The following DOCK5 variants were observed in gnomAD, a reference collection of about 807,000 sequenced individuals.
The protein encoded by DOCK5 is dedicator of cytokinesis 5.
A neutral mutation model predicts 251.8 loss-of-function variants in DOCK5; 142 were observed. That is an observed-to-expected ratio of 0.56 (90% CI 0.49 to 0.65). The LOEUF is 0.65. DOCK5 is among the 30% of genes least tolerant of loss of function. The pLI is 0.00. For synonymous variants in DOCK5, 842 were observed against 835.5 expected, an observed-to-expected ratio of 1.01 and a Z score of -0.13; for missense variants, 2,111 against 2,312.3, an observed-to-expected ratio of 0.91 and a Z score of 1.79.
intron 34 of DOCK5, among the ~76,000 whole-genome samples, chr8:25,372,060 A>C (rs1014548068): frequency 1.3e-5 from 2 of 152,234 alleles, no homozygotes; most frequent in African/African-American, 4.8e-5. Context: ...GAGATGTACT[A>C]GGTTCCCAGG....
chr8:25,298,701 G>A (rs1016540030), intron 7 of DOCK5, among the ~76,000 whole-genome samples: 1 of 151,846 alleles, frequency 6.6e-6, no homozygotes, highest in Non-Finnish European at 1.5e-5. Context: ...TCTGTTCCCA[G>A]GTAGCTGGGA....
intron 3 of DOCK5, among the ~76,000 whole-genome samples, chr8:25,269,593 T>C (rs1468051367): frequency 6.6e-6 from 1 of 152,254 alleles, no homozygotes; most frequent in Non-Finnish European, 1.5e-5. Flanking sequence ...TGGTTCCTTT[T>C]GCCAGTGCCA....
At chr8:25,345,307 GT>G (rs1800340721) in intron 25 of DOCK5, 167 bp from the exon 26 acceptor site, 1 of 672,706 alleles carries the variant, frequency 1.5e-6, no homozygotes, top group Non-Finnish European at 2.3e-6. Flanking sequence ...GTAAAGTTCC[GT>G]GCCTAAAACC....
chr8:25,237,863 C>T, intron 1 of DOCK5, among the ~76,000 whole-genome samples: 1 of 152,166 alleles, frequency 6.6e-6, no homozygotes, highest in East Asian at 1.9e-4. Flanking sequence ...AAAGGCAATC[C>T]TGTTTTACAG....
At chr8:25,400,627 T>A (rs963929277) in intron 46 of DOCK5, among the ~76,000 whole-genome samples, 3 of 152,022 alleles carry the variant, frequency 2.0e-5, no homozygotes, top group African/African-American at 7.2e-5. Context: ...CCAAATTCAG[T>A]CTAAGACTTA....
intron 39 of DOCK5, among the ~76,000 whole-genome samples, chr8:25,381,364 C>A (rs1448076230): frequency 6.6e-6 from 1 of 152,114 alleles, no homozygotes; most frequent in Non-Finnish European, 1.5e-5. Flanking sequence ...GTGGCTCATA[C>A]CTGTAATCTC....
intron 5 of DOCK5, among the ~76,000 whole-genome samples, chr8:25,281,811 G>A (rs775991970): frequency 2.5e-4 from 38 of 150,436 alleles, no homozygotes; most frequent in East Asian, 5.9e-4. Context: ...CCCGAGAGGC[G>A]GAGGTTGCAG....
chr8:25,278,575 T>A lies in DOCK5; in HGVS notation c.231T>A (p.His77Gln). The change falls in exon 5 of 52, where the codon CAT becomes CAA. Residue 77 changes from histidine to glutamine, a missense_variant. Transcript: ENST00000276440. ...CTCGTTTGGTTCTTTGTAGGCAGCATGAAACCGTGATTCCTGGCGAGCTCC... is the reference window on the plus strand; with the variant it reads ...CTCGTTTGGTTCTTTGTAGGCAGCAAGAAACCGTGATTCCTGGCGAGCTCC... ...KEATVEDLGQ[H>Q]ETVIPGELPL... is the part of the protein sequence containing the mutation. 1 of 1,613,956 alleles carries A rather than the reference T, an allele frequency of 6.2e-7. No individual in the cohort carries two copies. Among genetic ancestry groups the A allele is most frequent in the African/African-American group, 1.3e-5 (1 of 75,058 alleles).
chr8:25,310,992 C>T (rs956271118), intron 13 of DOCK5, among the ~76,000 whole-genome samples: 5 of 152,190 alleles, frequency 3.3e-5, no homozygotes, highest in Non-Finnish European at 7.3e-5. Context: ...ATGACATCCC[C>T]AGCATGTGGG....
intron 44 of DOCK5, among the ~76,000 whole-genome samples, chr8:25,393,267 C>A (rs1056717798): frequency 6.6e-6 from 1 of 152,216 alleles, no homozygotes; most frequent in Non-Finnish European, 1.5e-5. Context: ...CTAGACTCCT[C>A]CCTCTTCATC....
intron 37 of DOCK5, chr8:25,374,948 T>C: frequency 8.1e-7 from 1 of 1,230,418 alleles, no homozygotes; most frequent in Non-Finnish European, 1.0e-6. Flanking sequence ...CATAAAAAAA[T>C]TTGTAAAACT....
In DOCK5 at chr8:25,352,143, G is replaced by A. The variant is rs1037563018; in HGVS notation, c.2850+317G>A. Among the ~76,000 whole-genome samples the A allele has an allele frequency of 2.6e-5, 4 of 151,070 alleles. 1 individual carries two copies. The highest frequency in any genetic ancestry group is 5.9e-5 in the Non-Finnish European group (4 of 67,872). Reference sequence around the variant, plus strand: ...TGGGAGGATCACTTAAACGTGAGATGTCGAGGCTGCAGTGAGCTGTGATTG... The same window carrying A: ...TGGGAGGATCACTTAAACGTGAGATATCGAGGCTGCAGTGAGCTGTGATTG... On this transcript the variant is annotated intron_variant, in intron 27 of 51. Coordinates refer to ENST00000276440, the MANE Select transcript of DOCK5 (RefSeq NM_024940.8).
chr8:25,317,193 T>C (rs1450392571), intron 14 of DOCK5, 62 bp downstream of exon 14: 13 of 1,587,550 alleles, frequency 8.2e-6, no homozygotes, highest in Admixed American at 1.7e-5. Flanking sequence ...CACGATAGAA[T>C]CTTGGCCGTA....
intron 1 of DOCK5, among the ~76,000 whole-genome samples, chr8:25,192,278 A>G (rs923086933): frequency 2.6e-5 from 4 of 152,158 alleles, no homozygotes; most frequent in South Asian, 2.1e-4. Context: ...TCCTTTGGGT[A>G]TATACCCAGT....
At position 25,211,578 on chromosome 8, in the gene DOCK5, G is replaced by A. The variant is rs1030500119; in HGVS notation, c.43+26627G>A. On this transcript the variant is annotated intron_variant, in intron 1 of 51. Transcript: ENST00000276440. ...TCCCAACACTTTGGGAGGCTGAGGC[G>A]GAAGGATCACTTGAGCCCAGGAGTT... Among the ~76,000 whole-genome samples, 11 of 70,450 alleles carry A rather than the reference G, an allele frequency of 1.6e-4. 4 individuals carry two copies. The highest frequency in any genetic ancestry group is 3.6e-4 in the African/African-American group (11 of 30,944). 46.2% of individuals were successfully genotyped at this position (70,450 alleles called of 152,430 possible). A position where few individuals can be genotyped will look rare whatever the true frequency, so the allele number is the denominator to read the frequency against.
At chr8:25,362,949 ATCCTGT>A in intron 28 of DOCK5, 92 bp from the exon 29 acceptor site, 3 of 855,070 alleles carry the variant, frequency 3.5e-6, no homozygotes, top group Non-Finnish European at 5.8e-6. Context: ...GGCTAGGAAC[ATCCTGT>A]TCTGAGGTTG....
intron 1 of DOCK5, among the ~76,000 whole-genome samples, chr8:25,197,899 C>T (rs1438439622): frequency 1.3e-5 from 2 of 151,910 alleles, no homozygotes; most frequent in Non-Finnish European, 2.9e-5. Context: ...TACAGGTGCC[C>T]ACCACCATGC....
At chr8:25,209,171 G>GAGAGAAGTTTCCTGTGCGTCAGGCCCAGA (rs1338665663) in intron 1 of DOCK5, among the ~76,000 whole-genome samples, 25 of 75,460 alleles carry the variant, frequency 3.3e-4, no homozygotes, top group Admixed American at 7.2e-4. Context: ...GAGGCTCAGA[G>GAGAGAAGTTTCCTGTGCGTCAGGCCCAGA]CACATTAGCG....
rs748055589 is a variant in DOCK5, at chr8:25,317,137, C to T, written c.1443+6C>T. The T allele has an allele frequency of 1.2e-5, 19 of 1,611,644 alleles. No individual in the cohort carries two copies. Among genetic ancestry groups the T allele is most frequent in the South Asian group, 3.3e-5 (3 of 90,924 alleles). On this transcript the variant is annotated splice_donor_region_variant and intron_variant, in intron 14 of 51. Coordinates refer to ENST00000276440, the MANE Select transcript of DOCK5 (RefSeq NM_024940.8). The stretch of plus-strand genomic sequence containing the variant: ...AGGAGGGCAAGCTCTTGGAGGTGCG[C>T]GGCATGGCCCAGAAATCCTGCTACC...
Sources: allele counts gnomAD v4.1 joint callset (sites outside exome capture counted in the v4.1 genomes callset), GRCh38; gene constraint gnomAD v4.1.1; transcripts MANE v1.5; gene names NCBI Gene and HGNC (gene_info 2026-07-23, HGNC 2026-07-21).